PTPN14: variants seen among roughly 807,000 people sequenced by gnomAD.
The protein encoded by PTPN14 is protein tyrosine phosphatase non-receptor type 14, also known as tyrosine-protein phosphatase non-receptor type 14.
PTPN14 carries 53 observed loss-of-function variants against 126.8 expected under a neutral mutation model. That is an observed-to-expected ratio of 0.42 (90% CI 0.34 to 0.53). PTPN14 has a LOEUF of 0.53. Ranked by LOEUF, PTPN14 falls within the 20% of genes least tolerant of loss-of-function variation. The pLI, the probability that PTPN14 is intolerant of heterozygous loss-of-function variation, is 0.08. For synonymous variants in PTPN14, 630 were observed against 599.3 expected (o/e 1.05, Z -0.75); for missense variants, 1,257 against 1,552.9 (o/e 0.81, Z 3.20).
At chr1:214,533,398 A>G (rs1360052209) in intron 1 of PTPN14, 3 of 430,448 alleles carry the variant, frequency 7.0e-6, no homozygotes, top group Admixed American at 3.1e-5. Flanking sequence ...ACCATTCAAA[A>G]GACCACCACC....
intron 10 of PTPN14, among the ~76,000 whole-genome samples, chr1:214,393,357 C>T (rs955217766): frequency 1.3e-5 from 2 of 152,188 alleles, no homozygotes; most frequent in Non-Finnish European, 2.9e-5. Flanking sequence ...ACACACTCCA[C>T]GTCTGACACG....
intron 3 of PTPN14, among the ~76,000 whole-genome samples, chr1:214,440,383 A>G (rs561294884): frequency 1.8e-4 from 27 of 152,326 alleles, no homozygotes; most frequent in Admixed American, 1.7e-3. Context: ...TTATTGGCCT[A>G]TAAGACGCTT....
At chr1:214,429,992 A>G (rs1338820395) in intron 3 of PTPN14, among the ~76,000 whole-genome samples, 1 of 152,240 alleles carries the variant, frequency 6.6e-6, no homozygotes, top group Non-Finnish European at 1.5e-5. Flanking sequence ...CAAGATACAG[A>G]AGGAGATTTC....
rs189269970 is a variant in PTPN14, at chr1:214,529,571, C to G, written c.-155+21612G>C. Reference sequence around the variant, plus strand: ...GGCTACCATCCTCCTTATAAACAACCTCTAACAACTTGTGGACATCAACAA... The same window carrying G: ...GGCTACCATCCTCCTTATAAACAACGTCTAACAACTTGTGGACATCAACAA... On this transcript the variant is annotated intron_variant, in intron 1 of 18. Transcript: ENST00000366956. The G allele has an allele frequency of 2.2e-4, 33 of 152,302 alleles. No individual in the cohort carries two copies. In the East Asian group the frequency reaches 6.4e-3, roughly 29 times the overall value. 9.4% of individuals were successfully genotyped at this position (152,302 alleles called of 1,614,324 possible). A position where few individuals can be genotyped will look rare whatever the true frequency, so the allele number is the denominator to read the frequency against.
At chr1:214,532,249 G>A (rs959699884) in intron 1 of PTPN14, 1 of 430,212 alleles carries the variant, frequency 2.3e-6, no homozygotes, top group Non-Finnish European at 4.4e-6. Flanking sequence ...CCTGGGCTCT[G>A]TCCAGCCGCC....
At chr1:214,406,998 G>T (rs1175159820) in intron 5 of PTPN14, among the ~76,000 whole-genome samples, 1 of 152,102 alleles carries the variant, frequency 6.6e-6, no homozygotes, top group African/African-American at 2.4e-5. Context: ...AAATTCTAAG[G>T]TTTGAGCCTC....
chr1:214,453,829 A>T (rs1198233903), intron 2 of PTPN14, among the ~76,000 whole-genome samples: 1 of 152,264 alleles, frequency 6.6e-6, no homozygotes, highest in Admixed American at 6.5e-5. Context: ...TATTTAAAAG[A>T]TGTAAGGAAA....
intron 1 of PTPN14, among the ~76,000 whole-genome samples, chr1:214,473,757 C>T (rs546343228): frequency 6.6e-6 from 1 of 152,112 alleles, no homozygotes; most frequent in Admixed American, 6.6e-5. Context: ...TAAAAGAATA[C>T]TAAAAATGTC....
chr1:214,546,733 T>G (rs191863914), intron 1 of PTPN14, among the ~76,000 whole-genome samples: 14 of 152,316 alleles, frequency 9.2e-5, no homozygotes, highest in Admixed American at 9.2e-4. Context: ...TCTCTGGATA[T>G]GCAGTAGTCC....
chr1:214,533,164 C>T (rs1209287683), intron 1 of PTPN14: 11 of 756,480 alleles, frequency 1.5e-5, no homozygotes, highest in South Asian at 2.9e-5. Context: ...GGTGGAGGTC[C>T]GCTACACCCT....
chr1:214,411,853 C>A, intron 4 of PTPN14, 102 bp from the exon 5 acceptor site: 1 of 584,068 alleles, frequency 1.7e-6, no homozygotes, highest in Non-Finnish European at 2.8e-6. Context: ...ACATTTCATC[C>A]TATTTCTCAC....
Position 214,449,252 on chromosome 1 carries a change from C to T in PTPN14, c.344+2553G>A, listed in dbSNP as rs373861614. 5.8e-4 allele frequency among the ~76,000 whole-genome samples: 88 copies of T among 152,018 alleles called. 1 individual carries two copies. Among genetic ancestry groups the T allele is most frequent in the African/African-American group, 2.0e-3 (82 of 41,438 alleles). ...CGATCTCCTGACCTCGTGATCCGCC[C>T]GCCTCGGCCTCCCAAAGTGCTGGGA... is the stretch of plus-strand genomic sequence containing the variant. On this transcript the variant is annotated intron_variant, in intron 3 of 18. Transcript: ENST00000366956.
rs1009075877 is a variant in PTPN14, at chr1:214,351,335, C to T, written c.*6587G>A. 3.3e-5 allele frequency: 5 copies of T among 149,466 alleles called. No individual in the cohort carries two copies. Among genetic ancestry groups the T allele is most frequent in the African/African-American group, 9.8e-5 (4 of 40,634 alleles). 9.3% of individuals were successfully genotyped at this position (149,466 alleles called of 1,614,324 possible). A position where few individuals can be genotyped will look rare whatever the true frequency, so the allele number is the denominator to read the frequency against. ...AAAAGAAAAAAAAAAAGGCAGCAGA[C>T]CCTAAGTGAACAAGGTGCTCATGGA... On this transcript the variant is annotated 3_prime_UTR_variant, in exon 19 of 19. Coordinates refer to ENST00000366956, the MANE Select transcript of PTPN14 (RefSeq NM_005401.5).
intron 11 of PTPN14, among the ~76,000 whole-genome samples, chr1:214,387,559 G>A (rs1265660232): frequency 1.3e-5 from 2 of 151,816 alleles, no homozygotes; most frequent in African/African-American, 4.8e-5. Context: ...TGCACCTGTA[G>A]TCCCAGCTAC....
chr1:214,523,714 T>G (rs116177431), intron 1 of PTPN14, among the ~76,000 whole-genome samples: 2,007 of 152,134 alleles, frequency 0.013, 34 homozygotes, highest in African/African-American at 0.045. Flanking sequence ...GCCCCAGGAG[T>G]ACTGGCCACC....
chr1:214,437,971 A>AT (rs1659956753), intron 3 of PTPN14, among the ~76,000 whole-genome samples: 1 of 152,188 alleles, frequency 6.6e-6, no homozygotes, highest in South Asian at 2.1e-4. Context: ...TAACCTACAT[A>AT]TTTTTTAAAA....
rs77383762 is a variant in PTPN14 at position 214,432,797 on chromosome 1, G to A, written c.345-18071C>T. On this transcript the variant is annotated intron_variant, in intron 3 of 18. Transcript: ENST00000366956. ...TAGAATTCAGGATCATGGTTATCCT[G>A]ATCCATAAACACTGAGAGGGAGCAC... Among the ~76,000 whole-genome samples the A allele has an allele frequency of 1.8e-3, 278 of 152,270 alleles. 1 individual carries two copies. Among genetic ancestry groups the A allele is most frequent in the Middle Eastern group, 0.014 (4 of 294 alleles).
intron 1 of PTPN14, among the ~76,000 whole-genome samples, chr1:214,479,204 G>T (rs900849275): frequency 2.0e-5 from 3 of 152,036 alleles, no homozygotes; most frequent in Non-Finnish European, 4.4e-5. Context: ...AAAATTAACT[G>T]AATGTGGTGG....
At chr1:214,536,831 G>T (rs897123680) in intron 1 of PTPN14, among the ~76,000 whole-genome samples, 4 of 152,170 alleles carry the variant, frequency 2.6e-5, no homozygotes, top group Non-Finnish European at 5.9e-5. Flanking sequence ...CAAAGTAATT[G>T]TGGGTTTTGC....
Sources: gnomAD v4.1 joint callset for allele counts (sites outside exome capture counted in the v4.1 genomes callset) on GRCh38, gnomAD v4.1.1 for gene constraint, MANE v1.5 for transcripts, NCBI Gene and HGNC (gene_info 2026-07-23, HGNC 2026-07-21) for gene names.